The following KDM4B variants were observed in gnomAD, a reference collection of about 807,000 sequenced individuals.
KDM4B encodes lysine demethylase 4B, also known as lysine-specific demethylase 4B.
KDM4B carries 32 observed loss-of-function variants against 125.2 expected under a neutral mutation model. The ratio of observed to expected loss-of-function variants is 0.26; its 90% CI spans 0.19 to 0.34. KDM4B has a LOEUF of 0.34. Among genes scored for constraint, KDM4B ranks in the 10% least tolerant of loss-of-function variants. The pLI, the probability that KDM4B is intolerant of heterozygous loss-of-function variation, is 1.00. For synonymous variants in KDM4B, 721 were observed against 677.9 expected, an observed-to-expected ratio of 1.06 and a Z score of -0.99; for missense variants, 1,190 against 1,577.7, an observed-to-expected ratio of 0.75 and a Z score of 4.16.
At chr19:5,138,129 C>A in intron 18 of KDM4B, 59 bp downstream of exon 18, 2 of 1,324,110 alleles carry the variant, frequency 1.5e-6, no homozygotes, top group Non-Finnish European at 2.1e-6. Flanking sequence ...CGGCCATGCT[C>A]GGCTCCCCAC....
chr19:5,009,022 C>A (rs2145478861), intron 1 of KDM4B, among the ~76,000 whole-genome samples: 1 of 149,180 alleles, frequency 6.7e-6, no homozygotes, highest in Non-Finnish European at 1.5e-5. Context: ...TCAAGTAATT[C>A]TCCTGCCTCA....
At chr19:5,046,682 G>A (rs963598221) in intron 5 of KDM4B, among the ~76,000 whole-genome samples, 5 of 152,234 alleles carry the variant, frequency 3.3e-5, no homozygotes, top group African/African-American at 1.2e-4. Context: ...GGTGGGTGGG[G>A]ATTCCGTCCT....
chr19:5,069,970 C>T (rs919400884), intron 6 of KDM4B, among the ~76,000 whole-genome samples: 7 of 152,066 alleles, frequency 4.6e-5, no homozygotes, highest in Admixed American at 3.3e-4. Context: ...GAGCAGGGGC[C>T]GTCTCCCACC....
chr19:5,084,640 A>G (rs2038429417), intron 9 of KDM4B, among the ~76,000 whole-genome samples: 2 of 145,564 alleles, frequency 1.4e-5, no homozygotes, highest in Non-Finnish European at 3.0e-5. Context: ...TAAATTATAT[A>G]TGTATGTATA....
chr19:5,011,580 C>T (rs549987276), intron 1 of KDM4B, among the ~76,000 whole-genome samples: 3 of 152,316 alleles, frequency 2.0e-5, no homozygotes, highest in Non-Finnish European at 1.5e-5. Context: ...GGCTTGTGGC[C>T]GTGGGAGAGG....
rs183929222 is a variant in KDM4B at position 5,026,654 on chromosome 19, A to G, written c.-25-6212A>G. Among the ~76,000 whole-genome samples the G allele has an allele frequency of 2.5e-3, 387 of 152,188 alleles. 1 individual carries two copies. The highest frequency in any genetic ancestry group is 8.7e-3 in the African/African-American group (361 of 41,552). On this transcript the variant is annotated intron_variant, in intron 2 of 22. Transcript: ENST00000159111. ...GGGCCCTGGGTTCCCGAGGCTGGCA[A>G]GTTGGCTCAGAGCTGCCCTTGGGAT...
intron 6 of KDM4B, among the ~76,000 whole-genome samples, chr19:5,053,633 G>C (rs1417498328): frequency 6.6e-6 from 1 of 152,242 alleles, no homozygotes; most frequent in Non-Finnish European, 1.5e-5. Flanking sequence ...TATCCTTGTA[G>C]AGACAGCTGT....
At position 5,035,880 on chromosome 19, in the gene KDM4B, T is replaced by TGTGCGC. The variant is rs58219404; in HGVS notation, c.141+2850_141+2851insTGCGCG. 1.5e-4 allele frequency among the ~76,000 whole-genome samples: 21 copies of TGTGCGC among 136,398 alleles called. No individual in the cohort carries two copies. Among genetic ancestry groups the TGTGCGC allele is most frequent in the African/African-American group, 4.5e-4 (17 of 37,792 alleles). 89.5% of individuals were successfully genotyped at this position (136,398 alleles called of 152,430 possible). A position where few individuals can be genotyped will look rare whatever the true frequency, so the allele number is the denominator to read the frequency against. ...ACGTGTCTCTGTGTGTGTGTGTGTG[T>TGTGCGC]GCGCGCGCGCGCGCGCCTGCGCGCA... On this transcript the variant is annotated intron_variant, in intron 3 of 22. Coordinates refer to ENST00000159111, the MANE Select transcript of KDM4B (RefSeq NM_015015.3). The surrounding 1 kb of genome is among the most constrained non-coding windows in gnomAD (Gnocchi z 5.3).
At chr19:5,069,603 G>A (rs965196041) in intron 6 of KDM4B, among the ~76,000 whole-genome samples, 4 of 147,916 alleles carry the variant, frequency 2.7e-5, no homozygotes, top group Non-Finnish European at 6.0e-5. Context: ...ACTGCACCCG[G>A]CCTGTTTGTT....
intron 7 of KDM4B, among the ~76,000 whole-genome samples, chr19:5,073,404 C>T (rs2038008303): frequency 6.6e-6 from 1 of 152,268 alleles, no homozygotes; most frequent in African/African-American, 2.4e-5. Flanking sequence ...CTAGGCTCCG[C>T]AGTCTGTACT....
intron 1 of KDM4B, among the ~76,000 whole-genome samples, chr19:4,978,410 G>C (rs1446688678): frequency 2.7e-5 from 4 of 149,258 alleles, no homozygotes; most frequent in African/African-American, 7.4e-5. Flanking sequence ...GGGAGGCTGA[G>C]GGAGGAGAAT....
At position 5,131,121 on chromosome 19, in the gene KDM4B, G is replaced by C; in HGVS notation, c.1361G>C (p.Arg454Pro). ...KLRPTKAKSERKKKSFGLLPP... is the reference protein window; with the variant it reads ...KLRPTKAKSEPKKKSFGLLPP... ...CGGCCAACCAAGGCCAAGAGCGAGC[G>C]GAAGAAGAAGAGCTTCGGCCTGCTG... is the stretch of plus-strand genomic sequence containing the variant. The change falls in exon 12 of 23, where the codon CGG becomes CCG. Residue 454 changes from arginine (R) to proline (P), a missense_variant. Physicochemically the swap from Arg to Pro is moderately radical, Grantham distance 103. This residue lies in a region of KDM4B where 428 missense variants were observed against 405.1 expected (regional missense o/e 1.06). Transcript: ENST00000159111. 3 of 1,526,888 alleles carry C rather than the reference G, an allele frequency of 2.0e-6. No homozygotes were observed. The highest frequency in any genetic ancestry group is 2.6e-6 in the Non-Finnish European group (3 of 1,136,616). The allele number at this position is 1,526,888 out of a possible 1,614,324, so 94.6% of individuals were successfully genotyped here.
chr19:5,077,863 C>T (rs2038168755), intron 8 of KDM4B: 1 of 217,712 alleles, frequency 4.6e-6, no homozygotes, highest in African/African-American at 2.3e-5. Flanking sequence ...CTGGTTCCTA[C>T]CGCCCCAGGC....
chr19:5,131,656 A>AGGGGGGCTGGTGGGGTGGGGCG, intron 12 of KDM4B, 111 bp downstream of exon 12: 1 of 349,072 alleles, frequency 2.9e-6, no homozygotes, highest in Non-Finnish European at 4.9e-6. Context: ...GGCAGGGAGG[A>AGGGGGGCTGGTGGGGTGGGGCG]GGGGACAGGA....
In KDM4B at chr19:5,100,651, A is replaced by G. The variant is rs118044326; in HGVS notation, c.919-9971A>G. 4.0e-3 allele frequency among the ~76,000 whole-genome samples: 602 copies of G among 152,192 alleles called. 15 individuals carry two copies. Among genetic ancestry groups the G allele is most frequent in the East Asian group, 0.034 (175 of 5,180 alleles). The stretch of plus-strand genomic sequence containing the variant: ...CCAGGCTAGTCTTGAACTGACCTCA[A>G]GTGATCCTCTCGCCTCGGCCTCTCA... On this transcript the variant is annotated intron_variant, in intron 9 of 22. Transcript: ENST00000159111.
At chr19:5,116,831 C>A (rs190002358) in intron 10 of KDM4B, among the ~76,000 whole-genome samples, 1 of 152,140 alleles carries the variant, frequency 6.6e-6, no homozygotes, top group African/African-American at 2.4e-5. Context: ...CAATGGAAGA[C>A]GGTGGCAGGT....
chr19:4,975,985 C>CA (rs2034430693), intron 1 of KDM4B, among the ~76,000 whole-genome samples: 1 of 151,278 alleles, frequency 6.6e-6, no homozygotes, highest in Non-Finnish European at 1.5e-5. Context: ...TGCGGTGGCT[C>CA]ACGCCTGTAA....
chr19:5,014,658 A>C (rs2035835540), intron 1 of KDM4B, among the ~76,000 whole-genome samples: 1 of 152,082 alleles, frequency 6.6e-6, no homozygotes, highest in African/African-American at 2.4e-5. Context: ...ATCCTCCCTC[A>C]TCATCCTCCC....
At chr19:5,098,339 A>T (rs1331681377) in intron 9 of KDM4B, among the ~76,000 whole-genome samples, 2 of 152,190 alleles carry the variant, frequency 1.3e-5, no homozygotes, top group African/African-American at 2.4e-5. Flanking sequence ...GGCATTTTGC[A>T]TGGGATCGTT....
Sources: allele counts gnomAD v4.1 joint callset (sites outside exome capture counted in the v4.1 genomes callset), GRCh38; gene constraint gnomAD v4.1.1; regional missense constraint gnomAD v4.1.1; non-coding constraint Gnocchi (gnomAD v3.1); transcripts MANE v1.5; gene names NCBI Gene and HGNC (gene_info 2026-07-23, HGNC 2026-07-21).